GPATCH8: variants seen among roughly 807,000 people sequenced by gnomAD.
GPATCH8 encodes the protein G patch domain-containing protein 8.
GPATCH8 carries 18 observed loss-of-function variants against 118.3 expected under a neutral mutation model. That is an observed-to-expected ratio of 0.15 (90% CI 0.11 to 0.23). GPATCH8 has a LOEUF of 0.23. Ranked by LOEUF, GPATCH8 falls within the 10% of genes least tolerant of loss-of-function variation. The pLI, the probability that GPATCH8 is intolerant of heterozygous loss-of-function variation, is 1.00. For synonymous variants in GPATCH8, 659 were observed against 684.7 expected (o/e 0.96, Z 0.59); for missense variants, 1,631 against 1,873.8 (o/e 0.87, Z 2.39).
At chr17:44,498,620 T>C (rs556052291) in intron 1 of GPATCH8, among the ~76,000 whole-genome samples, 2 of 152,352 alleles carry the variant, frequency 1.3e-5, no homozygotes, top group South Asian at 2.1e-4. Flanking sequence ...CATCAGTATT[T>C]TGAAACTGGT....
rs1428982375 is a variant in GPATCH8, at chr17:44,503,406, C to G, written c.-36G>C. 6.4e-7 allele frequency: 1 copy of G among 1,568,786 alleles called. No individual in the cohort carries two copies. Among genetic ancestry groups the G allele is most frequent in the Non-Finnish European group, 8.7e-7 (1 of 1,149,670 alleles). On this transcript the variant is annotated 5_prime_UTR_variant, in exon 1 of 8. Transcript: ENST00000591680. The stretch of plus-strand genomic sequence containing the variant: ...TCACTCCTCTCAGGACGACGCTCTC[C>G]GGTTCGCTCCTTCCCTCCTGCGACA...
intron 1 of GPATCH8, among the ~76,000 whole-genome samples, chr17:44,490,175 G>A (rs1969132631): frequency 6.6e-6 from 1 of 151,762 alleles, no homozygotes; most frequent in African/African-American, 2.4e-5. Flanking sequence ...TTTAATGATG[G>A]TGTGCACCTG....
Position 44,396,777 on chromosome 17 carries a change from TAAAA to T in GPATCH8, c.*787_*790del, listed in dbSNP as rs755179686. On this transcript the variant is annotated 3_prime_UTR_variant, in exon 8 of 8. Coordinates refer to ENST00000591680, the MANE Select transcript of GPATCH8 (RefSeq NM_001002909.4). ...TAGAGTTCAGTGCAATTTTTTACAT[TAAAA>T]AAATCCTATAAATTAAGAAGGAAAC... 2.2e-6 allele frequency: 1 copy of T among 453,828 alleles called. No homozygotes were observed. Among genetic ancestry groups the T allele is most frequent in the South Asian group, 1.6e-5 (1 of 64,262 alleles). The allele number at this position is 453,828 out of a possible 1,614,324, so 28.1% of individuals were successfully genotyped here. A position where few individuals can be genotyped will look rare whatever the true frequency, so the allele number is the denominator to read the frequency against.
rs891473125 is a variant in GPATCH8 at position 44,493,737 on chromosome 17, A to G, written c.45+9589T>C. 1.3e-5 allele frequency among the ~76,000 whole-genome samples: 2 copies of G among 152,204 alleles called. 1 individual carries two copies. Among genetic ancestry groups the G allele is most frequent in the East Asian group, 3.8e-4 (2 of 5,200 alleles). On this transcript the variant is annotated intron_variant, in intron 1 of 7. Transcript: ENST00000591680. ...ATTCCGTCTCTTTTATTTAAAAAGG[A>G]AAGAACAAAAGAAGTCAAAAGAGCA...
intron 1 of GPATCH8, among the ~76,000 whole-genome samples, chr17:44,477,861 G>A (rs1568047090): frequency 6.6e-6 from 1 of 152,214 alleles, no homozygotes; most frequent in Non-Finnish European, 1.5e-5. Context: ...CCAGGCTAGA[G>A]CGCAGTGATG....
chr17:44,425,329 T>C (rs1445058615), intron 5 of GPATCH8, among the ~76,000 whole-genome samples: 1 of 152,182 alleles, frequency 6.6e-6, no homozygotes, highest in African/African-American at 2.4e-5. Flanking sequence ...AAAGACTATA[T>C]CTACAGTTTC....
At chr17:44,477,159 T>G (rs566951747) in intron 1 of GPATCH8, among the ~76,000 whole-genome samples, 32 of 152,346 alleles carry the variant, frequency 2.1e-4, no homozygotes, top group Admixed American at 1.0e-3. Context: ...AATCTAATGA[T>G]GGGGAGCTCT....
intron 3 of GPATCH8, among the ~76,000 whole-genome samples, chr17:44,448,618 A>G (rs900648055): frequency 2.0e-5 from 3 of 150,720 alleles, no homozygotes; most frequent in African/African-American, 7.3e-5. Context: ...ATCACTATAT[A>G]CCCTTTTGCT....
chr17:44,474,775 G>T, intron 2 of GPATCH8, 54 bp downstream of exon 2: 2 of 871,434 alleles, frequency 2.3e-6, no homozygotes, highest in African/African-American at 1.6e-5. Context: ...AGTGTCACAC[G>T]AACACTACCT....
At chr17:44,490,003 G>A (rs1295345997) in intron 1 of GPATCH8, among the ~76,000 whole-genome samples, 3 of 151,998 alleles carry the variant, frequency 2.0e-5, no homozygotes, top group East Asian at 1.9e-4. Context: ...ACCACTTCGA[G>A]AATAAAATGG....
rs548169366 is a variant in GPATCH8 at position 44,396,573 on chromosome 17, A to AT, written c.*994dup. On this transcript the variant is annotated 3_prime_UTR_variant, in exon 8 of 8. Transcript: ENST00000591680. ...GCATCTAGCAGAAAACAAATATTTTATTTTTTGTTTTCATTTTATAACCTT... is the reference window on the plus strand; with the variant it reads ...GCATCTAGCAGAAAACAAATATTTTATTTTTTTGTTTTCATTTTATAACCTT... 2.3e-5 allele frequency: 10 copies of AT among 435,332 alleles called. No homozygotes were observed. Among genetic ancestry groups the AT allele is most frequent in the Non-Finnish European group, 4.1e-5 (9 of 221,196 alleles). 27.0% of individuals were successfully genotyped at this position (435,332 alleles called of 1,614,324 possible). A position where few individuals can be genotyped will look rare whatever the true frequency, so the allele number is the denominator to read the frequency against.
chr17:44,482,778 G>T (rs1968376133), intron 1 of GPATCH8, among the ~76,000 whole-genome samples: 1 of 151,832 alleles, frequency 6.6e-6, no homozygotes, highest in African/African-American at 2.4e-5. Flanking sequence ...ACTACTGCAT[G>T]TTAATTTTCA....
At chr17:44,409,049 C>CT (rs774302357) in intron 6 of GPATCH8, 4 of 151,934 alleles carry the variant, frequency 2.6e-5, no homozygotes, top group Non-Finnish European at 4.4e-5. Flanking sequence ...ATTCTGGCGA[C>CT]TTTTTTTTAA....
chr17:44,497,551 G>A (rs1969750709), intron 1 of GPATCH8, among the ~76,000 whole-genome samples: 1 of 152,012 alleles, frequency 6.6e-6, no homozygotes, highest in Admixed American at 6.6e-5. Context: ...TCGCGTCACT[G>A]CACTCCAGCC....
At chr17:44,475,237 G>A (rs1159957719) in intron 1 of GPATCH8, among the ~76,000 whole-genome samples, 1 of 151,746 alleles carries the variant, frequency 6.6e-6, no homozygotes, top group Non-Finnish European at 1.5e-5. Flanking sequence ...AAAATTAGCT[G>A]GCTGTGGTGG....
intron 1 of GPATCH8, among the ~76,000 whole-genome samples, chr17:44,483,825 T>G (rs75925824): frequency 2.7e-5 from 4 of 149,112 alleles, no homozygotes; most frequent in Non-Finnish European, 5.9e-5. Flanking sequence ...TTTGGTTGTT[T>G]TTGTTGTTGT....
At chr17:44,500,614 C>A (rs1189008059) in intron 1 of GPATCH8, among the ~76,000 whole-genome samples, 1 of 152,084 alleles carries the variant, frequency 6.6e-6, no homozygotes, top group Non-Finnish European at 1.5e-5. Context: ...CTTGATAAAC[C>A]GGTAAAGAGT....
intron 5 of GPATCH8, among the ~76,000 whole-genome samples, chr17:44,428,583 G>A (rs906084024): frequency 2.0e-5 from 3 of 150,878 alleles, no homozygotes; most frequent in Admixed American, 1.3e-4. Context: ...TGGGTGGACA[G>A]CTTGAGCCTA....
At chr17:44,435,584 T>G (rs1226760988) in intron 4 of GPATCH8, among the ~76,000 whole-genome samples, 1 of 150,362 alleles carries the variant, frequency 6.7e-6, no homozygotes, top group Non-Finnish European at 1.5e-5. Context: ...CTGCTAATTT[T>G]TTTTGTATTT....
Sources: allele counts gnomAD v4.1 joint callset (sites outside exome capture counted in the v4.1 genomes callset), GRCh38; gene constraint gnomAD v4.1.1; transcripts MANE v1.5; gene names NCBI Gene and HGNC (gene_info 2026-07-23, HGNC 2026-07-21).